The following SIRT7 variants were observed in gnomAD, a reference collection of about 807,000 sequenced individuals.
The protein encoded by SIRT7 is NAD-dependent protein deacetylase sirtuin-7.
SIRT7 carries 32 observed loss-of-function variants against 42.8 expected under a neutral mutation model. That is an observed-to-expected ratio of 0.75 (90% CI 0.56 to 1.00). The LOEUF (loss-of-function observed/expected upper bound fraction) is 1.00, where lower values mean the gene tolerates loss of function less well. Among genes scored for constraint, SIRT7 ranks in the 50% least tolerant of loss-of-function variants. The probability of loss-of-function intolerance (pLI) is 0.00; values close to 1 mark genes in which losing one functional copy is unlikely to be tolerated. For missense variants in SIRT7, 553 were observed against 572.2 expected, an observed-to-expected ratio of 0.97 and a Z score of 0.34; for synonymous variants, 297 against 245.2, an observed-to-expected ratio of 1.21 and a Z score of -1.97.
chr17:81,913,581 G>A lies in SIRT7; in HGVS notation c.1004+193C>T, dbSNP rs2040735426. ...GATTGTGTGTGCCACATCAGCCAGG[G>A]CAGGAGTGGCACACGCAGGGTCTCC... On this transcript the variant is annotated intron_variant, in intron 9 of 9. Coordinates refer to ENST00000328666, the MANE Select transcript of SIRT7 (RefSeq NM_016538.3). This position sits in a 1 kb window ranked among gnomAD's most constrained non-coding sequence, Gnocchi z 5.0. 2 of 587,844 alleles carry A rather than the reference G, an allele frequency of 3.4e-6. No individual in the cohort carries two copies. The highest frequency in any genetic ancestry group is 3.9e-5 in the South Asian group (2 of 51,344). 36.4% of individuals were successfully genotyped at this position (587,844 alleles called of 1,614,324 possible).
chr17:81,915,235 G>A (rs540729240), intron 5 of SIRT7: 23 of 604,124 alleles, frequency 3.8e-5, no homozygotes, highest in South Asian at 7.9e-5. Context: ...GGCTGGCTGC[G>A]GATGGGATGG....
chr17:81,915,701 G>A lies in SIRT7; in HGVS notation c.337-20C>T, dbSNP rs758237427. 1.5e-5 allele frequency: 24 copies of A among 1,612,634 alleles called. No homozygotes were observed. The highest frequency in any genetic ancestry group is 2.0e-5 in the Non-Finnish European group (24 of 1,179,532). On this transcript the variant is annotated intron_variant, in intron 3 of 9. Transcript: ENST00000328666. Reference sequence around the variant, plus strand: ...CGCTGCCTGCATGTCGAGAAAAAAGGTAAGCCAAGTCAAAAGGCACCACTG... The same window carrying A: ...CGCTGCCTGCATGTCGAGAAAAAAGATAAGCCAAGTCAAAAGGCACCACTG...
Position 81,915,461 on chromosome 17 carries a change from G to A in SIRT7, c.459C>T (p.Thr153=). ...TTACCAGCTTCTGCTCATGCAGACG[G>A]GTGATGCTCATGTGGGTGAGGGTTG... ...AEPTLTHMSI[T]RLHEQKLVQH... The change falls in exon 5 of 10, where the codon ACC becomes ACT. Residue 153 remains threonine, a synonymous_variant. Coordinates refer to ENST00000328666, the MANE Select transcript of SIRT7 (RefSeq NM_016538.3). The A allele has an allele frequency of 6.2e-7, 1 of 1,613,522 alleles. No homozygotes were observed. Among genetic ancestry groups the A allele is most frequent in the Non-Finnish European group, 8.5e-7 (1 of 1,179,870 alleles).
At chr17:81,915,190 C>T (rs1388497565) in intron 5 of SIRT7, 10 of 577,684 alleles carry the variant, frequency 1.7e-5, no homozygotes, top group Non-Finnish European at 2.5e-5. Flanking sequence ...AAGGGAATCA[C>T]AAAGGGGAAA....
chr17:81,917,531 C>G, intron 3 of SIRT7, 84 bp downstream of exon 3: 1 of 1,229,624 alleles, frequency 8.1e-7, no homozygotes, highest in East Asian at 3.0e-5. Flanking sequence ...GAGAAAAAAC[C>G]TTAGAGCTGC....
chr17:81,918,132 C>G lies in SIRT7; in HGVS notation c.-1G>C. The stretch of plus-strand genomic sequence containing the variant: ...AGCGGCTCAGACCCCCGGCTGCCAT[C>G]GCTCCCCTGGAGACCTGCTCTTCCG... On this transcript the variant is annotated 5_prime_UTR_variant, in exon 1 of 10. Transcript: ENST00000328666. 1 of 1,545,890 alleles carries G rather than the reference C, an allele frequency of 6.5e-7. No individual in the cohort carries two copies. The highest frequency in any genetic ancestry group is 8.6e-7 in the Non-Finnish European group (1 of 1,156,654).
At chr17:81,916,093 G>T in intron 3 of SIRT7, 1 of 247,366 alleles carries the variant, frequency 4.0e-6, no homozygotes, top group Non-Finnish European at 8.3e-6. Context: ...GGTGGGTCCA[G>T]GCGACTGTCC....
In SIRT7 at chr17:81,917,719, C is replaced by A; in HGVS notation, c.232G>T (p.Val78Leu). ...REGLKRRQEEVCDDPEELRGK... is the reference protein window; with the variant it reads ...REGLKRRQEELCDDPEELRGK... The stretch of plus-strand genomic sequence containing the variant: ...CGCAGCTCCTCCGGGTCGTCGCACA[C>A]CTGCCAAGACGCCAGGGTGGTCACC... The change falls in exon 3 of 10, where the codon GTG becomes TTG. Residue 78 changes from valine (V) to leucine (L), a missense_variant and splice_region_variant. Coordinates refer to ENST00000328666, the MANE Select transcript of SIRT7 (RefSeq NM_016538.3). 6.3e-7 allele frequency: 1 copy of A among 1,589,790 alleles called. No individual in the cohort carries two copies. Among genetic ancestry groups the A allele is most frequent in the Non-Finnish European group, 8.5e-7 (1 of 1,169,924 alleles).
intron 3 of SIRT7, 151 bp from the exon 4 acceptor site, chr17:81,915,832 G>A (rs2040787082): frequency 1.2e-6 from 1 of 824,802 alleles, no homozygotes; most frequent in Non-Finnish European, 2.0e-6. Flanking sequence ...TGACCTGCCT[G>A]AGCCCATATG....
rs990996119 is a variant in SIRT7, at chr17:81,913,330, A to T, written c.1004+444T>A. On this transcript the variant is annotated intron_variant, in intron 9 of 9. Transcript: ENST00000328666. This position sits in a 1 kb window ranked among gnomAD's most constrained non-coding sequence, Gnocchi z 5.0. ...CAGAGAAAGAGAGTGTAAACTTTTT[A>T]CTCAATACATACACCAAGTCTAAAT... 6 of 455,068 alleles carry T rather than the reference A, an allele frequency of 1.3e-5. No homozygotes were observed. Among genetic ancestry groups the T allele is most frequent in the Non-Finnish European group, 2.2e-5 (5 of 227,076 alleles). The allele number at this position is 455,068 out of a possible 1,614,324, so 28.2% of individuals were successfully genotyped here.
Position 81,915,646 on chromosome 17 carries a change from T to C in SIRT7, c.372A>G (p.Gly124=). The part of the protein sequence containing the change: ...ASIPDYRGPN[G]VWTLLQKGRS... ...TCCCTTTCTGAAGCAGTGTCCACAC[T>C]CCATTAGGGCCCCGGTAGTCTGGGA... The change falls in exon 4 of 10, where the codon GGA becomes GGG. Residue 124 remains glycine, a synonymous_variant. Coordinates refer to ENST00000328666, the MANE Select transcript of SIRT7 (RefSeq NM_016538.3). 1 of 1,613,904 alleles carries C rather than the reference T, an allele frequency of 6.2e-7. No individual in the cohort carries two copies. The highest frequency in any genetic ancestry group is 1.1e-5 in the South Asian group (1 of 91,066).
rs1220527769 is a variant in SIRT7 at position 81,912,783 on chromosome 17, A to G, written c.1005-169T>C. On this transcript the variant is annotated intron_variant, in intron 9 of 9. Coordinates refer to ENST00000328666, the MANE Select transcript of SIRT7 (RefSeq NM_016538.3). ...CAGCTTCATTGTTACCAAGCTGCAG[A>G]ACGGATGTGGGAGAGGTCACCTCTT... 2.6e-5 allele frequency: 19 copies of G among 728,504 alleles called. 1 individual carries two copies. In the Admixed American group the frequency reaches 4.1e-4, roughly 16 times the overall value. 45.1% of individuals were successfully genotyped at this position (728,504 alleles called of 1,614,324 possible). A position where few individuals can be genotyped will look rare whatever the true frequency, so the allele number is the denominator to read the frequency against.
At position 81,915,664 on chromosome 17, in the gene SIRT7, G is replaced by A. The variant is rs199582733; in HGVS notation, c.354C>T (p.Asp118=). Reference sequence around the variant, plus strand: ...TCCACACTCCATTAGGGCCCCGGTAGTCTGGGATAGACGCTGCCTGCATGT... The same window carrying A: ...TCCACACTCCATTAGGGCCCCGGTAATCTGGGATAGACGCTGCCTGCATGT... The part of the protein sequence containing the change: ...AGISTAASIP[D]YRGPNGVWTL... Residue 118 remains aspartate, a synonymous_variant, in exon 4 of 10, where the codon GAC becomes GAT. Transcript: ENST00000328666. 6.2e-7 allele frequency: 1 copy of A among 1,613,950 alleles called. No individual in the cohort carries two copies. The highest frequency in any genetic ancestry group is 2.2e-5 in the East Asian group (1 of 44,890).
intron 5 of SIRT7, 192 bp downstream of exon 5, chr17:81,915,248 C>T: frequency 3.2e-6 from 2 of 628,686 alleles, no homozygotes; most frequent in East Asian, 2.8e-5. Context: ...TGGGATGGTT[C>T]AGAGGGGGAG....
chr17:81,917,545 A>G (rs2040827892), intron 3 of SIRT7, 70 bp downstream of exon 3: 1 of 1,361,384 alleles, frequency 7.3e-7, no homozygotes, highest in South Asian at 1.5e-5. Context: ...GAGCTGCTTT[A>G]AAGGCGAGTT....
chr17:81,917,562 G>A, intron 3 of SIRT7, 53 bp downstream of exon 3: 4 of 1,442,778 alleles, frequency 2.8e-6, no homozygotes. Context: ...AGTTTTTCGC[G>A]ATTACTGGAG....
chr17:81,915,892 G>A (rs1466440060), intron 3 of SIRT7: 10 of 581,220 alleles, frequency 1.7e-5, no homozygotes, highest in East Asian at 1.2e-4. Flanking sequence ...TCCGTTTCCC[G>A]CCTGGCCTGG....
intron 5 of SIRT7, chr17:81,915,140 C>A: frequency 1.9e-6 from 1 of 530,532 alleles, no homozygotes; most frequent in Non-Finnish European, 3.4e-6. Context: ...ATAAGCCTCC[C>A]CTGTGACTAG....
At position 81,915,659 on chromosome 17, in the gene SIRT7, C is replaced by A; in HGVS notation, c.359G>T (p.Arg120Leu). The A allele has an allele frequency of 6.2e-7, 1 of 1,613,922 alleles. No individual in the cohort carries two copies. The highest frequency in any genetic ancestry group is 8.5e-7 in the Non-Finnish European group (1 of 1,180,010). ...CAGTGTCCACACTCCATTAGGGCCC[C>A]GGTAGTCTGGGATAGACGCTGCCTG... ...ISTAASIPDY[R>L]GPNGVWTLLQ... The change falls in exon 4 of 10, where the codon CGG becomes CTG. Residue 120 changes from arginine to leucine, a missense_variant. Physicochemically the swap from Arg to Leu is moderately radical, Grantham distance 102 (BLOSUM62 -2). Transcript: ENST00000328666.
Sources: allele counts gnomAD v4.1 joint callset, GRCh38; gene constraint gnomAD v4.1.1; non-coding constraint Gnocchi (gnomAD v3.1); transcripts MANE v1.5; gene names NCBI Gene and HGNC (gene_info 2026-07-23, HGNC 2026-07-21).